Variants in PDSS1 observed in about 807,000 individuals in gnomAD.
PDSS1 encodes decaprenyl diphosphate synthase subunit 1.
In PDSS1, 43 loss-of-function variants were observed where a neutral mutation model predicts 57.5. The ratio of observed to expected loss-of-function variants is 0.75; its 90% CI spans 0.59 to 0.96. The LOEUF is 0.96. PDSS1 is among the 50% of genes least tolerant of loss of function. The pLI is 0.00. For missense variants in PDSS1, 438 were observed against 527.8 expected, an observed-to-expected ratio of 0.83 and a Z score of 1.67; for synonymous variants, 175 against 191.3, an observed-to-expected ratio of 0.91 and a Z score of 0.70.
chr10:26,737,801 G>A (rs1034011350), intron 10 of PDSS1, among the ~76,000 whole-genome samples: 30 of 147,614 alleles, frequency 2.0e-4, no homozygotes, highest in African/African-American at 5.7e-4. Flanking sequence ...TACTGTACCC[G>A]AAGCCATGGT....
intron 10 of PDSS1, among the ~76,000 whole-genome samples, 190 bp from the exon 11 acceptor site, chr10:26,742,307 C>A (rs766044948): frequency 6.6e-6 from 1 of 152,262 alleles, no homozygotes; most frequent in East Asian, 1.9e-4. Context: ...AGTGCCTAGG[C>A]ATAGACGGTG....
At chr10:26,703,228 G>A (rs1459312401) in intron 2 of PDSS1, among the ~76,000 whole-genome samples, 1 of 152,152 alleles carries the variant, frequency 6.6e-6, no homozygotes, top group Non-Finnish European at 1.5e-5. Context: ...CCACTTGGTG[G>A]TAAAAAGCGT....
chr10:26,717,189 A>T (rs1835611793), intron 5 of PDSS1, among the ~76,000 whole-genome samples: 1 of 152,170 alleles, frequency 6.6e-6, no homozygotes, highest in Non-Finnish European at 1.5e-5. Flanking sequence ...TCCTGATTTC[A>T]TCAGTCAACA....
intron 4 of PDSS1, among the ~76,000 whole-genome samples, chr10:26,707,604 T>C (rs921071190): frequency 6.6e-6 from 1 of 152,174 alleles, no homozygotes; most frequent in African/African-American, 2.4e-5. Flanking sequence ...ATCCTGAGGC[T>C]TTTCTTCGGT....
rs775642132 is a variant in PDSS1, at chr10:26,742,497, T to C, written c.1027T>C (p.Phe343Leu). The C allele has an allele frequency of 4.4e-6, 7 of 1,608,648 alleles. No homozygotes were observed. The Admixed American group carries it at 1.2e-4, about 27-fold the overall frequency. ...TGPVLFACQQ[F>L]PEMNAMIMRR... is the part of the protein sequence containing the mutation. ...CAGATTTTCTCTCTTTTTTTGTTAG[T>C]TCCCAGAAATGAATGCTATGATCAT... Residue 343 changes from phenylalanine (F) to leucine (L), a missense_variant and splice_region_variant, in exon 11 of 12, where the codon TTC (phenylalanine) becomes CTC (leucine). Physicochemically the swap from Phe to Leu is conservative, Grantham distance 22. Coordinates refer to ENST00000376215, the MANE Select transcript of PDSS1 (RefSeq NM_014317.5).
At chr10:26,714,607 T>C (rs141678750) in intron 5 of PDSS1, 4 of 152,370 alleles carry the variant, frequency 2.6e-5, no homozygotes, top group East Asian at 1.9e-4. Flanking sequence ...AGCTGCCTCA[T>C]TGAAGACACT....
At chr10:26,722,790 C>T (rs1835830875) in intron 6 of PDSS1, among the ~76,000 whole-genome samples, 2 of 151,416 alleles carry the variant, frequency 1.3e-5, no homozygotes, top group South Asian at 2.1e-4. Context: ...GCATATAATT[C>T]AACTATTTAT....
intron 10 of PDSS1, among the ~76,000 whole-genome samples, chr10:26,740,339 T>TA (rs1836548777): frequency 6.6e-6 from 1 of 152,128 alleles, no homozygotes; most frequent in African/African-American, 2.4e-5. Flanking sequence ...TTGGCTTTTT[T>TA]ACCGTAGAAG....
At chr10:26,700,956 G>T (rs941485397) in intron 1 of PDSS1, among the ~76,000 whole-genome samples, 1 of 152,200 alleles carries the variant, frequency 6.6e-6, no homozygotes, top group African/African-American at 2.4e-5. Flanking sequence ...ATGTAGGAAA[G>T]TTTGGAAATT....
At chr10:26,740,924 T>C (rs1462393914) in intron 10 of PDSS1, 2 of 260,308 alleles carry the variant, frequency 7.7e-6, no homozygotes, top group African/African-American at 4.4e-5. Context: ...CTAAGTATTG[T>C]AGAATATCGA....
At chr10:26,698,021 G>T (rs1049225520) in intron 1 of PDSS1, among the ~76,000 whole-genome samples, 181 bp downstream of exon 1, 1 of 151,954 alleles carries the variant, frequency 6.6e-6, no homozygotes, top group Non-Finnish European at 1.5e-5. Flanking sequence ...GGACGGAGCC[G>T]CGCGTTGGAC....
intron 8 of PDSS1, among the ~76,000 whole-genome samples, chr10:26,733,103 T>G (rs1340186071): frequency 6.6e-6 from 1 of 152,072 alleles, no homozygotes; most frequent in African/African-American, 2.4e-5. Context: ...AGAAATAGAT[T>G]TTTAGAAAAT....
At chr10:26,717,484 G>A (rs549193235) in intron 5 of PDSS1, among the ~76,000 whole-genome samples, 1 of 152,286 alleles carries the variant, frequency 6.6e-6, no homozygotes, top group East Asian at 1.9e-4. Context: ...CTCCCGCCTC[G>A]GCGTCCCAAA....
intron 4 of PDSS1, among the ~76,000 whole-genome samples, chr10:26,708,617 G>A (rs932159902): frequency 2.0e-5 from 3 of 152,072 alleles, no homozygotes; most frequent in Non-Finnish European, 4.4e-5. Flanking sequence ...ATGCGCTTAC[G>A]TGGGCCTCTA....
rs187831029 is a variant in PDSS1, at chr10:26,703,799, G to A, written c.163-878G>A. ...CAACTTTCATTGTCATTTTAATATG[G>A]CGCCGGGCGCGGTGGCTCACGCCTG... is the stretch of plus-strand genomic sequence containing the variant. On this transcript the variant is annotated intron_variant, in intron 2 of 11. Coordinates refer to ENST00000376215, the MANE Select transcript of PDSS1 (RefSeq NM_014317.5). Among the ~76,000 whole-genome samples, 5 of 151,984 alleles carry A rather than the reference G, an allele frequency of 3.3e-5. No individual in the cohort carries two copies. In the East Asian group the frequency reaches 9.8e-4, roughly 30 times the overall value.
intron 4 of PDSS1, among the ~76,000 whole-genome samples, chr10:26,708,989 G>A (rs1748357): frequency 0.55 from 83,536 of 151,620 alleles, 23,494 homozygotes; most frequent in Middle Eastern, 0.64. Flanking sequence ...TGTTCCTTTC[G>A]CTGTCCGGCT....
At chr10:26,730,660 T>A (rs891254796) in intron 8 of PDSS1, among the ~76,000 whole-genome samples, 2 of 152,006 alleles carry the variant, frequency 1.3e-5, no homozygotes, top group African/African-American at 4.8e-5. Context: ...GCTCCAAAAG[T>A]CAGAACTATA....
At chr10:26,701,489 G>A (rs1052515731) in intron 1 of PDSS1, among the ~76,000 whole-genome samples, 27 of 152,320 alleles carry the variant, frequency 1.8e-4, no homozygotes, top group Non-Finnish European at 2.5e-4. Context: ...CTTCCCAGCC[G>A]TAGCTAAAAG....
intron 5 of PDSS1, among the ~76,000 whole-genome samples, chr10:26,716,434 G>A (rs953548606): frequency 2.6e-5 from 4 of 152,060 alleles, no homozygotes; most frequent in East Asian, 1.9e-4. Flanking sequence ...GGTGGCTCAC[G>A]TAATCTCAGC....
Sources: allele counts gnomAD v4.1 joint callset (sites outside exome capture counted in the v4.1 genomes callset), GRCh38; gene constraint gnomAD v4.1.1; transcripts MANE v1.5; gene names NCBI Gene and HGNC (gene_info 2026-07-23, HGNC 2026-07-21).